NEB: variants seen among roughly 807,000 people sequenced by gnomAD.
NEB encodes nebulin, also known as nemaline myopathy type 2.
A neutral mutation model predicts 952.2 loss-of-function variants in NEB; 512 were observed. The observed-to-expected ratio is 0.54, with a 90% CI of 0.50 to 0.58. The LOEUF (loss-of-function observed/expected upper bound fraction) is 0.58. NEB is among the 20% of genes least tolerant of loss of function. The pLI is 0.00. For synonymous variants in NEB, 2,900 were observed against 3,149.8 expected (o/e 0.92, Z 2.66); for missense variants, 8,428 against 9,231.1 (o/e 0.91, Z 3.56).
chr2:151,622,825 TA>T (rs1293678575), intron 71 of NEB, among the ~76,000 whole-genome samples: 1 of 152,244 alleles, frequency 6.6e-6, no homozygotes, highest in Non-Finnish European at 1.5e-5. Flanking sequence ...AATGTCCCAA[TA>T]ATTTCCTTTA....
At chr2:151,697,673 A>C in intron 13 of NEB, 25 bp from the exon 14 acceptor site, 1 of 1,497,942 alleles carries the variant, frequency 6.7e-7, no homozygotes, top group Non-Finnish European at 9.2e-7. Flanking sequence ...AAATTCAGTT[A>C]AAGTAGATTC....
intron 51 of NEB, among the ~76,000 whole-genome samples, chr2:151,654,996 AATTTT>A (rs2099073105): frequency 6.6e-6 from 1 of 152,074 alleles, no homozygotes; most frequent in African/African-American, 2.4e-5. Flanking sequence ...TGTTTGATGC[AATTTT>A]TTTTCAACAA....
rs1445425739 is a variant in NEB at position 151,567,261 on chromosome 2, A to G, written c.18063T>C (p.Asp6021=). The change falls in exon 114 of 182, where the codon GAT becomes GAC. Residue 6021 remains aspartate, a synonymous_variant. Transcript: ENST00000397345. ...GGTGCAAGTAATTACGATAATCAAT[A>G]TCACTGACAAGGGTCTGCCCCTGCT... ...AAKQGQTLVS[D]IDYRNYLHQW... 1.7e-5 allele frequency: 27 copies of G among 1,613,836 alleles called. No individual in the cohort carries two copies. Among genetic ancestry groups the G allele is most frequent in the Non-Finnish European group, 2.3e-5 (27 of 1,179,834 alleles).
intron 10 of NEB, among the ~76,000 whole-genome samples, chr2:151,713,317 T>C (rs921822630): frequency 6.6e-6 from 1 of 152,190 alleles, no homozygotes; most frequent in African/African-American, 2.4e-5. Flanking sequence ...GTTCCATTCA[T>C]AGAAAAGTTA....
chr2:151,530,463 G>A (rs182917076), intron 145 of NEB, among the ~76,000 whole-genome samples: 7 of 152,334 alleles, frequency 4.6e-5, no homozygotes, highest in Admixed American at 2.0e-4. Flanking sequence ...AAAGTAAACT[G>A]TTCCGAGGGA....
intron 129 of NEB, among the ~76,000 whole-genome samples, chr2:151,551,342 T>C (rs1039228737): frequency 9.2e-5 from 14 of 152,166 alleles, no homozygotes; most frequent in African/African-American, 2.9e-4. Flanking sequence ...TTGGGTAACA[T>C]AGAATAGGTA....
At position 151,526,146 on chromosome 2, in the gene NEB, G is replaced by A. The variant is rs1279937679; in HGVS notation, c.22050+12C>T. ...AAGAGGGAAGCAGAACTCATGGGCGGCTGGGGGTTACCTCAGACACCAGGT... is the reference window on the plus strand; with the variant it reads ...AAGAGGGAAGCAGAACTCATGGGCGACTGGGGGTTACCTCAGACACCAGGT... On this transcript the variant is annotated intron_variant, in intron 149 of 181. Transcript: ENST00000397345. 3.1e-6 allele frequency: 5 copies of A among 1,612,946 alleles called. No homozygotes were observed. In the African/African-American group the frequency reaches 6.7e-5, roughly 22 times the overall value.
chr2:151,509,936 C>T (rs538695891), intron 161 of NEB, among the ~76,000 whole-genome samples: 21 of 152,226 alleles, frequency 1.4e-4, no homozygotes, highest in South Asian at 4.2e-4. Context: ...AACTGGTTAC[C>T]GGGAGAAGGC....
chr2:151,493,756 T>G lies in NEB; in HGVS notation c.24672+19A>C. On this transcript the variant is annotated intron_variant, in intron 175 of 181. Transcript: ENST00000397345. ...GGGCTGTTAAGATTTTAAGGATTTA[T>G]TTTTCCTTTCTAAAATACCGAGCTA... 6.7e-7 allele frequency: 1 copy of G among 1,500,690 alleles called. No individual in the cohort carries two copies. Among genetic ancestry groups the G allele is most frequent in the Non-Finnish European group, 9.1e-7 (1 of 1,098,370 alleles). The allele number at this position is 1,500,690 out of a possible 1,614,324, so 93.0% of individuals were successfully genotyped here.
chr2:151,492,874 T>C lies in NEB; in HGVS notation c.24766-380A>G, dbSNP rs556772125. The C allele has an allele frequency of 3.7e-4, 69 of 184,978 alleles. No individual in the cohort carries two copies. In the South Asian group the frequency reaches 9.3e-3, roughly 25 times the overall value. The allele number at this position is 184,978 out of a possible 1,614,324, so 11.5% of individuals were successfully genotyped here. ...CTTTAAAACAAGTGATTATTTTCCT[T>C]AGGTTGTGTCCAGACTTCATAAACC... On this transcript the variant is annotated intron_variant, in intron 176 of 181. Transcript: ENST00000397345.
chr2:151,624,340 T>A (rs1041564853), intron 71 of NEB, among the ~76,000 whole-genome samples: 1 of 151,928 alleles, frequency 6.6e-6, no homozygotes, highest in African/African-American at 2.4e-5. Context: ...GAAAAAAAAA[T>A]CTACTTCAGT....
At chr2:151,679,667 A>AAC in intron 32 of NEB, 54 bp downstream of exon 32, 7 of 486,370 alleles carry the variant, frequency 1.4e-5, no homozygotes, top group African/African-American at 2.0e-5. Context: ...TCAGACCCCA[A>AAC]GCCCACCCAC....
chr2:151,565,496 C>T lies in NEB; in HGVS notation c.18366+5G>A, dbSNP rs2096321623. On this transcript the variant is annotated splice_donor_5th_base_variant and intron_variant, in intron 116 of 181. Coordinates refer to ENST00000397345, the MANE Select transcript of NEB (RefSeq NM_001164508.2). Reference sequence around the variant, plus strand: ...TGCACTTCAGCATGCACAAAGCAAACTTACATCACTTTGATTGACAGAATT... The same window carrying T: ...TGCACTTCAGCATGCACAAAGCAAATTTACATCACTTTGATTGACAGAATT... The T allele has an allele frequency of 6.4e-7, 1 of 1,561,574 alleles. No homozygotes were observed.
intron 71 of NEB, among the ~76,000 whole-genome samples, chr2:151,622,849 T>C (rs2098446026): frequency 6.6e-6 from 1 of 152,240 alleles, no homozygotes; most frequent in Admixed American, 6.5e-5. Flanking sequence ...GCAATGTTGC[T>C]TTTCTATCCA....
At chr2:151,713,787 C>T (rs2099751908) in intron 10 of NEB, among the ~76,000 whole-genome samples, 1 of 152,120 alleles carries the variant, frequency 6.6e-6, no homozygotes. Context: ...ACAGCTGAGA[C>T]AGAAGGAAGT....
chr2:151,694,223 A>C (rs1038977392), intron 20 of NEB, 100 bp downstream of exon 20: 2 of 1,006,680 alleles, frequency 2.0e-6, no homozygotes, highest in African/African-American at 3.2e-5. Flanking sequence ...TGTCATCTTG[A>C]ATCCAAGATT....
chr2:151,663,768 T>A lies in NEB; in HGVS notation c.5543A>T (p.Gln1848Leu). The stretch of plus-strand genomic sequence containing the variant: ...CCGGTCTGACTGCATCTTGGCCACT[T>A]GCATGAAGTGCACCAGCTTGGGGTC... ...EDDPKLVHFM[Q>L]VAKMQSDREY... is the part of the protein sequence containing the mutation. Residue 1848 changes from glutamine to leucine, a missense_variant, in exon 45 of 182, where the codon CAA becomes CTA. Physicochemically the swap from Gln to Leu is moderately radical, Grantham distance 113. Transcript: ENST00000397345. The A allele has an allele frequency of 3.1e-6, 5 of 1,613,874 alleles. No homozygotes were observed. The highest frequency in any genetic ancestry group is 4.2e-6 in the Non-Finnish European group (5 of 1,179,788).
At chr2:151,506,125 G>C in intron 164 of NEB, 41 bp downstream of exon 164, 1 of 1,495,576 alleles carries the variant, frequency 6.7e-7, no homozygotes, top group Non-Finnish European at 9.3e-7. Context: ...ATTATCAAAG[G>C]GAGGCAGAAA....
Position 151,671,005 on chromosome 2 carries a change from T to C in NEB, c.4506+18A>G, listed in dbSNP as rs2099279026. 1 of 1,607,228 alleles carries C rather than the reference T, an allele frequency of 6.2e-7. No homozygotes were observed. Among genetic ancestry groups the C allele is most frequent in the Non-Finnish European group, 8.5e-7 (1 of 1,173,628 alleles). ...GTGGTTATTTACGGGCAAATCATTT[T>C]GAAAGGAAAGCACTCACATCACTTA... On this transcript the variant is annotated intron_variant, in intron 38 of 181. Transcript: ENST00000397345.
Sources: allele counts gnomAD v4.1 joint callset (sites outside exome capture counted in the v4.1 genomes callset), GRCh38; gene constraint gnomAD v4.1.1; transcripts MANE v1.5; gene names NCBI Gene and HGNC (gene_info 2026-07-23, HGNC 2026-07-21).